The following VAV2 variants were observed in gnomAD, a reference collection of about 807,000 sequenced individuals.
VAV2 encodes the protein guanine nucleotide exchange factor VAV2.
A neutral mutation model predicts 132.5 loss-of-function variants in VAV2; 67 were observed. The observed-to-expected ratio is 0.51, with a 90% CI of 0.42 to 0.62. The LOEUF is 0.62. VAV2 is among the 20% of genes least tolerant of loss of function. The pLI, the probability that VAV2 is intolerant of heterozygous loss-of-function variation, is 0.00. For synonymous variants in VAV2, 492 were observed against 443.5 expected (o/e 1.11, Z -1.37); for missense variants, 938 against 1,153.6 (o/e 0.81, Z 2.71).
intron 2 of VAV2, among the ~76,000 whole-genome samples, chr9:133,916,368 C>T (rs914321556): frequency 1.3e-5 from 2 of 152,250 alleles, no homozygotes; most frequent in African/African-American, 4.8e-5. Context: ...AGTTTCTCTC[C>T]ACGGGATAAA....
At chr9:133,767,077 A>T (rs557151347) in intron 29 of VAV2, among the ~76,000 whole-genome samples, 62 of 152,236 alleles carry the variant, frequency 4.1e-4, no homozygotes, top group African/African-American at 1.5e-3. Flanking sequence ...GAAAGAAGAA[A>T]AAAGGAGTAG....
intron 13 of VAV2, 151 bp downstream of exon 13, chr9:133,791,632 A>T: frequency 1.5e-6 from 1 of 674,786 alleles, no homozygotes; most frequent in East Asian, 2.7e-5. Flanking sequence ...GGGGTCTGAG[A>T]TCAAACTCAG....
At chr9:133,789,885 C>T (rs942836868) in intron 13 of VAV2, among the ~76,000 whole-genome samples, 1 of 152,204 alleles carries the variant, frequency 6.6e-6, no homozygotes, top group African/African-American at 2.4e-5. Flanking sequence ...ATGTTCCCTG[C>T]GTGGCTTTCA....
intron 2 of VAV2, among the ~76,000 whole-genome samples, chr9:133,866,822 A>G (rs1211646900): frequency 6.6e-6 from 1 of 151,032 alleles, no homozygotes. Flanking sequence ...AAAAAAAAAA[A>G]GAGGAGCCTG....
chr9:133,936,439 C>G (rs1369115365), intron 2 of VAV2, among the ~76,000 whole-genome samples: 1 of 152,066 alleles, frequency 6.6e-6, no homozygotes, highest in African/African-American at 2.4e-5. Context: ...GACAGGGTTT[C>G]ACCGTGTTGC....
rs548596177 is a variant in VAV2 at position 133,822,395 on chromosome 9, G to T, written c.450-10179C>A. Among the ~76,000 whole-genome samples the T allele has an allele frequency of 2.0e-5, 3 of 152,318 alleles. No individual in the cohort carries two copies. The East Asian group carries it at 5.8e-4, about 29-fold the overall frequency. ...TGCTTCATCCCCAGGGGACTGGGGT[G>T]GGGGCAGCAGAGAGAAGGCGCATCG... On this transcript the variant is annotated intron_variant, in intron 4 of 29. Coordinates refer to ENST00000371850, the MANE Select transcript of VAV2 (RefSeq NM_001134398.2).
rs977703037 is a variant in VAV2, at chr9:133,834,415, C to G, written c.381-75G>C. ...CCAGTGGGACCCCAGCTGGACCCCA[C>G]AGCAGAGCCCAGTGTGGCCCAGCCA... On this transcript the variant is annotated intron_variant, in intron 3 of 29. Coordinates refer to ENST00000371850, the MANE Select transcript of VAV2 (RefSeq NM_001134398.2). The surrounding 1 kb of genome is among the most constrained non-coding windows in gnomAD (Gnocchi z 5.9). The G allele has an allele frequency of 1.3e-6, 2 of 1,484,060 alleles. No individual in the cohort carries two copies. The highest frequency in any genetic ancestry group is 1.2e-5 in the South Asian group (1 of 83,876). 91.9% of individuals were successfully genotyped at this position (1,484,060 alleles called of 1,614,324 possible).
chr9:133,805,989 C>CA, intron 9 of VAV2, 92 bp downstream of exon 9: 1 of 1,377,656 alleles, frequency 7.3e-7, no homozygotes, highest in South Asian at 1.3e-5. Context: ...CGGGACACCC[C>CA]AAGAGTCCCA....
intron 3 of VAV2, among the ~76,000 whole-genome samples, chr9:133,848,159 A>C (rs1837013671): frequency 6.6e-6 from 1 of 151,376 alleles, no homozygotes; most frequent in Admixed American, 6.6e-5. Context: ...GGGCGCCTGT[A>C]GTTCCAGCTA....
In VAV2 at chr9:133,836,491, T is replaced by C. The variant is rs190473301; in HGVS notation, c.381-2151A>G. ...AGAAAAATAGAATCAAAATTCTCAT[T>C]ATGAAAATGTGTCCTCATCAAAAGT... is the stretch of plus-strand genomic sequence containing the variant. On this transcript the variant is annotated intron_variant, in intron 3 of 29. Coordinates refer to ENST00000371850, the MANE Select transcript of VAV2 (RefSeq NM_001134398.2). Among the ~76,000 whole-genome samples the C allele has an allele frequency of 7.9e-4, 121 of 152,358 alleles. 1 individual carries two copies. Among genetic ancestry groups the C allele is most frequent in the Non-Finnish European group, 1.1e-3 (77 of 68,040 alleles).
chr9:133,987,127 G>A (rs1189366471), intron 1 of VAV2, among the ~76,000 whole-genome samples: 1 of 152,162 alleles, frequency 6.6e-6, no homozygotes, highest in African/African-American at 2.4e-5. Context: ...CCTTGGAGGG[G>A]CTCAGACCTG....
rs143838501 is a variant in VAV2, at chr9:133,968,787, C to T, written c.204+23288G>A. Among the ~76,000 whole-genome samples the T allele has an allele frequency of 6.8e-3, 1,037 of 152,314 alleles. 11 individuals carry two copies. Among genetic ancestry groups the T allele is most frequent in the African/African-American group, 0.023 (974 of 41,556 alleles). ...ACTCCTGGGACCTGCCGGGGTAGGG[C>T]CCTGTCCCCAGCTCAGATCTGGAGG... is the stretch of plus-strand genomic sequence containing the variant. On this transcript the variant is annotated intron_variant, in intron 1 of 29. Coordinates refer to ENST00000371850, the MANE Select transcript of VAV2 (RefSeq NM_001134398.2).
Position 133,762,014 on chromosome 9 carries a change from T to G in VAV2, c.*2048A>C, listed in dbSNP as rs958450061. 1.3e-5 allele frequency: 2 copies of G among 152,646 alleles called. No individual in the cohort carries two copies. The highest frequency in any genetic ancestry group is 4.8e-5 in the African/African-American group (2 of 41,456). The allele number at this position is 152,646 out of a possible 1,614,324, so 9.5% of individuals were successfully genotyped here. On this transcript the variant is annotated 3_prime_UTR_variant, in exon 30 of 30. Transcript: ENST00000371850. This position sits in a 1 kb window ranked among gnomAD's most constrained non-coding sequence, Gnocchi z 5.0. ...CCAGCTGGGGGGGCCCCCAGATCCC[T>G]GACCCACATGCATCGGGCTCCCACA...
chr9:133,782,015 A>G (rs1834026220), intron 19 of VAV2, among the ~76,000 whole-genome samples: 1 of 151,746 alleles, frequency 6.6e-6, no homozygotes. Flanking sequence ...TTGCCTGGGG[A>G]TAGGAGGAGT....
chr9:133,844,464 G>A (rs947327267), intron 3 of VAV2, among the ~76,000 whole-genome samples: 1 of 152,224 alleles, frequency 6.6e-6, no homozygotes, highest in Non-Finnish European at 1.5e-5. Context: ...TGAGGGAGGA[G>A]GCTCTAGGAC....
chr9:133,979,044 C>T (rs1842606024), intron 1 of VAV2, among the ~76,000 whole-genome samples: 1 of 152,190 alleles, frequency 6.6e-6, no homozygotes, highest in East Asian at 1.9e-4. Flanking sequence ...GTCTGCAGGT[C>T]CCGGAGCGCC....
chr9:133,848,371 G>T (rs1308453008), intron 3 of VAV2, among the ~76,000 whole-genome samples: 1 of 151,980 alleles, frequency 6.6e-6, no homozygotes, highest in Non-Finnish European at 1.5e-5. Flanking sequence ...CCCAAATTTA[G>T]GATGGTGGTT....
rs1234737782 is a variant in VAV2 at position 133,802,183 on chromosome 9, G to A, written c.836+3898C>T. Reference sequence around the variant, plus strand: ...CTATTGGAGGAAGTCAGTTAAGGAGGCAAAAGTTTACAGGCCTTAATTCTA... The same window carrying A: ...CTATTGGAGGAAGTCAGTTAAGGAGACAAAAGTTTACAGGCCTTAATTCTA... On this transcript the variant is annotated intron_variant, in intron 9 of 29. Transcript: ENST00000371850. The surrounding 1 kb of genome is among the most constrained non-coding windows in gnomAD (Gnocchi z 5.8). Among the ~76,000 whole-genome samples the A allele has an allele frequency of 6.6e-6, 1 of 152,150 alleles. No individual in the cohort carries two copies. The highest frequency in any genetic ancestry group is 1.5e-5 in the Non-Finnish European group (1 of 68,032).
At chr9:133,924,398 G>A (rs1840399768) in intron 2 of VAV2, among the ~76,000 whole-genome samples, 1 of 152,152 alleles carries the variant, frequency 6.6e-6, no homozygotes, top group South Asian at 2.1e-4. Context: ...TATTGGCCAG[G>A]CTGGTCTCGA....
Sources: gnomAD v4.1 joint callset for allele counts (sites outside exome capture counted in the v4.1 genomes callset) on GRCh38, gnomAD v4.1.1 for gene constraint, Gnocchi (gnomAD v3.1) non-coding constraint, MANE v1.5 for transcripts, NCBI Gene and HGNC (gene_info 2026-07-23, HGNC 2026-07-21) for gene names.